The following FBXO36 variants were observed in gnomAD, a reference collection of about 807,000 sequenced individuals.
The protein encoded by FBXO36 is F-box protein 36.
Under a neutral mutation model 17.0 loss-of-function variants are expected in FBXO36, and 18 were observed. That is an observed-to-expected ratio of 1.06 (90% confidence interval 0.73 to 1.57). The LOEUF is 1.57. FBXO36 is among the 40% of genes most tolerant of loss of function. FBXO36 has a pLI of 0.00. For synonymous variants in FBXO36, 83 were observed against 85.3 expected (o/e 0.97, Z 0.15); for missense variants, 229 against 221.9 (o/e 1.03, Z -0.20).
intron 1 of FBXO36, among the ~76,000 whole-genome samples, chr2:229,924,300 C>A (rs899380864): frequency 1.3e-5 from 2 of 151,944 alleles, no homozygotes; most frequent in African/African-American, 4.8e-5. Flanking sequence ...GCCATTTTGG[C>A]CAGAGTGGTC....
chr2:229,967,224 T>C (rs566244237), intron 1 of FBXO36, among the ~76,000 whole-genome samples: 23 of 152,328 alleles, frequency 1.5e-4, no homozygotes, highest in Non-Finnish European at 4.4e-5. Context: ...TGCACATTGA[T>C]TTTGTATCCT....
At chr2:229,990,006 G>A (rs1357769850) in intron 2 of FBXO36, among the ~76,000 whole-genome samples, 1 of 151,742 alleles carries the variant, frequency 6.6e-6, no homozygotes, top group African/African-American at 2.4e-5. Flanking sequence ...TGATTGGAGG[G>A]TGCATTGTAG....
intron 1 of FBXO36, among the ~76,000 whole-genome samples, chr2:229,965,174 A>T (rs1577344937): frequency 8.8e-6 from 1 of 113,866 alleles, no homozygotes; most frequent in African/African-American, 3.3e-5. Context: ...TGTAGAGATG[A>T]GGGTCTTACT....
At chr2:229,935,494 CAA>C (rs777267823) in intron 1 of FBXO36, among the ~76,000 whole-genome samples, 4 of 151,976 alleles carry the variant, frequency 2.6e-5, no homozygotes, top group Admixed American at 6.6e-5. Flanking sequence ...GCCTGGGCAA[CAA>C]GAGCAAAACT....
In FBXO36 at chr2:229,996,876, C is replaced by G. The variant is rs1278941273; in HGVS notation, c.331C>G (p.Leu111Val). 7 of 1,614,006 alleles carry G rather than the reference C, an allele frequency of 4.3e-6. No homozygotes were observed. Among genetic ancestry groups the G allele is most frequent in the Non-Finnish European group, 5.9e-6 (7 of 1,179,990 alleles). ...LLLTIISYLD[L>V]EDIARLCQTS... The stretch of plus-strand genomic sequence containing the variant: ...CCTGACTATCATTTCTTATCTGGAT[C>G]TTGAAGATATTGCCAGGCTTTGTCA... Residue 111 changes from leucine to valine, a missense_variant, in exon 3 of 4, where the codon CTT becomes GTT. By Grantham distance (32) the Leu-to-Val change is conservative (BLOSUM62 1). Coordinates refer to ENST00000283946, the MANE Select transcript of FBXO36 (RefSeq NM_174899.5).
intron 2 of FBXO36, among the ~76,000 whole-genome samples, chr2:229,986,769 A>C (rs991431073): frequency 6.6e-6 from 1 of 151,668 alleles, no homozygotes; most frequent in Non-Finnish European, 1.5e-5. Context: ...TCCTGACCTC[A>C]GGTGATCCAC....
At chr2:229,924,889 C>T (rs2076899798) in intron 1 of FBXO36, among the ~76,000 whole-genome samples, 1 of 152,104 alleles carries the variant, frequency 6.6e-6, no homozygotes, top group Non-Finnish European at 1.5e-5. Context: ...CTACCTCAGC[C>T]TCCCCAGTAG....
At chr2:229,971,817 G>T (rs536629703) in intron 1 of FBXO36, among the ~76,000 whole-genome samples, 1 of 151,240 alleles carries the variant, frequency 6.6e-6, no homozygotes, top group East Asian at 1.9e-4. Context: ...GCACAGACAC[G>T]CACCACCAAC....
chr2:229,955,044 G>T (rs1313054654), intron 1 of FBXO36, among the ~76,000 whole-genome samples: 1 of 151,938 alleles, frequency 6.6e-6, no homozygotes, highest in Non-Finnish European at 1.5e-5. Flanking sequence ...TAGAGACGGG[G>T]TTTCACCCTG....
intron 1 of FBXO36, among the ~76,000 whole-genome samples, chr2:229,956,581 G>C (rs2077089212): frequency 6.6e-6 from 1 of 152,188 alleles, no homozygotes; most frequent in Non-Finnish European, 1.5e-5. Flanking sequence ...GACAACTCGT[G>C]ACAAAGTCTG....
chr2:229,957,300 G>A (rs939467614), intron 1 of FBXO36, among the ~76,000 whole-genome samples: 2 of 152,212 alleles, frequency 1.3e-5, no homozygotes, highest in Non-Finnish European at 2.9e-5. Context: ...AAGTAGGCCG[G>A]GCACGGTGGC....
At chr2:229,982,198 G>A (rs935229466) in intron 2 of FBXO36, among the ~76,000 whole-genome samples, 1 of 151,640 alleles carries the variant, frequency 6.6e-6, no homozygotes, top group African/African-American at 2.4e-5. Flanking sequence ...TAATTTTTTT[G>A]TATTTTTTGT....
chr2:229,964,896 TG>T (rs1172188064), intron 1 of FBXO36, among the ~76,000 whole-genome samples: 3 of 152,204 alleles, frequency 2.0e-5, no homozygotes, highest in Admixed American at 2.0e-4. Context: ...AGTTGATGTT[TG>T]TTTTGGTTAT....
chr2:229,991,684 G>A (rs1255344445), intron 2 of FBXO36, among the ~76,000 whole-genome samples: 2 of 152,116 alleles, frequency 1.3e-5, no homozygotes, highest in Non-Finnish European at 2.9e-5. Context: ...AAAATATCAT[G>A]GGTTTTCCAT....
chr2:229,954,967 A>G (rs1239459728), intron 1 of FBXO36, among the ~76,000 whole-genome samples: 7 of 151,452 alleles, frequency 4.6e-5, no homozygotes, highest in Non-Finnish European at 8.8e-5. Context: ...CTCCTGCCTC[A>G]GCCTCCCAAG....
At chr2:229,959,037 C>T (rs1415242072) in intron 1 of FBXO36, among the ~76,000 whole-genome samples, 1 of 152,156 alleles carries the variant, frequency 6.6e-6, no homozygotes, top group Non-Finnish European at 1.5e-5. Context: ...CTCAAAGTCT[C>T]CTTTGTTCCT....
intron 1 of FBXO36, among the ~76,000 whole-genome samples, chr2:229,930,265 G>C (rs2076932563): frequency 6.6e-6 from 1 of 152,156 alleles, no homozygotes; most frequent in African/African-American, 2.4e-5. Flanking sequence ...AGGATCACTT[G>C]AACCTAGGTG....
At chr2:229,992,956 G>T (rs921877984) in intron 2 of FBXO36, among the ~76,000 whole-genome samples, 2 of 152,148 alleles carry the variant, frequency 1.3e-5, no homozygotes, top group African/African-American at 4.8e-5. Flanking sequence ...GCTGCTAAGT[G>T]AGGACTAAAC....
At chr2:229,943,165 C>G (rs1245651583) in intron 1 of FBXO36, 1 of 152,372 alleles carries the variant, frequency 6.6e-6, no homozygotes, top group Non-Finnish European at 1.5e-5. Flanking sequence ...CCTACAGATG[C>G]AGCCAATGTG....
Sources: allele counts gnomAD v4.1 joint callset (sites outside exome capture counted in the v4.1 genomes callset), GRCh38; gene constraint gnomAD v4.1.1; transcripts MANE v1.5; gene names NCBI Gene and HGNC (gene_info 2026-07-23, HGNC 2026-07-21).